Variants in DGKB observed in about 807,000 individuals in gnomAD.
The protein encoded by DGKB is diacylglycerol kinase beta, also known as 90 kDa diacylglycerol kinase.
DGKB carries 67 observed loss-of-function variants against 114.3 expected under a neutral mutation model. The ratio of observed to expected loss-of-function variants is 0.59; its 90% CI spans 0.48 to 0.72. The LOEUF (loss-of-function observed/expected upper bound fraction) is 0.72. Among genes scored for constraint, DGKB ranks in the 30% least tolerant of loss-of-function variants. DGKB has a pLI of 0.00. For synonymous variants in DGKB, 398 were observed against 323.1 expected, an observed-to-expected ratio of 1.23 and a Z score of -2.49; for missense variants, 907 against 975.2, an observed-to-expected ratio of 0.93 and a Z score of 0.93.
chr7:14,441,900 A>G (rs1439332332), intron 21 of DGKB, among the ~76,000 whole-genome samples: 1 of 151,994 alleles, frequency 6.6e-6, no homozygotes. Context: ...TGTATATTTG[A>G]GATATCATAC....
intron 21 of DGKB, among the ~76,000 whole-genome samples, chr7:14,352,881 C>G (rs558723481): frequency 6.6e-6 from 1 of 152,082 alleles, no homozygotes; most frequent in Non-Finnish European, 1.5e-5. Context: ...TGAGATCGTG[C>G]CATTGCACTT....
chr7:14,153,390 T>G (rs1782513110), intron 25 of DGKB, among the ~76,000 whole-genome samples: 1 of 152,130 alleles, frequency 6.6e-6, no homozygotes, highest in African/African-American at 2.4e-5. Context: ...CTATTGAAAT[T>G]ATTTTAAAAA....
chr7:14,718,587 AACAG>A lies in DGKB; in HGVS notation c.417_420del (p.Cys140ThrfsTer34). On this transcript the variant is annotated frameshift_variant, in exon 6 of 26. Transcript: ENST00000402815. LOFTEE classifies it high-confidence loss of function. Reference sequence around the variant, plus strand: ...CTTCCTCTTTCAAGCAGAGACAGGTAACAGACAATGTCCTTCAGATGGATTACTT... The same window carrying A: ...CTTCCTCTTTCAAGCAGAGACAGGTAACAATGTCCTTCAGATGGATTACTT... The A allele has an allele frequency of 6.2e-7, 1 of 1,613,302 alleles. No individual in the cohort carries two copies. Among genetic ancestry groups the A allele is most frequent in the Non-Finnish European group, 8.5e-7 (1 of 1,179,548 alleles).
intron 2 of DGKB, among the ~76,000 whole-genome samples, chr7:14,782,086 G>A (rs1027091471): frequency 2.0e-5 from 3 of 150,250 alleles, no homozygotes; most frequent in African/African-American, 7.4e-5. Flanking sequence ...GTGCAGTGGT[G>A]AGATCTCGGC....
chr7:14,526,643 A>C (rs1790691445), intron 20 of DGKB, among the ~76,000 whole-genome samples: 1 of 152,182 alleles, frequency 6.6e-6, no homozygotes, highest in South Asian at 2.1e-4. Context: ...AGAGAGTGCC[A>C]TAGTGAACTG....
chr7:14,744,740 T>A (rs775629108), intron 4 of DGKB, among the ~76,000 whole-genome samples: 1 of 152,224 alleles, frequency 6.6e-6, no homozygotes, highest in Non-Finnish European at 1.5e-5. Context: ...CTATCATGAA[T>A]TGTTTTTAAC....
rs1397309435 is a variant in DGKB, at chr7:14,426,728, G to A, written c.1835+51433C>T. Among the ~76,000 whole-genome samples, 2 of 152,064 alleles carry A rather than the reference G, an allele frequency of 1.3e-5. 1 individual carries two copies. The highest frequency in any genetic ancestry group is 3.9e-4 in the East Asian group (2 of 5,166). ...TCAATTTAAAATTTGTTGAATTTGT[G>A]TACTTAGTTCCACTGACTCTGTATT... On this transcript the variant is annotated intron_variant, in intron 21 of 25. Transcript: ENST00000402815.
Position 14,150,379 on chromosome 7 carries a change from A to T in DGKB, c.2305-1141T>A, listed in dbSNP as rs573444940. On this transcript the variant is annotated intron_variant, in intron 25 of 25. Coordinates refer to ENST00000402815, the MANE Select transcript of DGKB (RefSeq NM_001350709.2). ...AATGAATATCCTTCACTTGTCATTCACTAATAGCAATGAAACAAAAAAATG... is the reference window on the plus strand; with the variant it reads ...AATGAATATCCTTCACTTGTCATTCTCTAATAGCAATGAAACAAAAAAATG... Among the ~76,000 whole-genome samples the T allele has an allele frequency of 5.9e-5, 9 of 152,238 alleles. No individual in the cohort carries two copies. In the South Asian group the frequency reaches 1.7e-3, roughly 28 times the overall value.
intron 23 of DGKB, among the ~76,000 whole-genome samples, chr7:14,289,759 A>C (rs79871300): frequency 1.2e-4 from 18 of 151,698 alleles, no homozygotes; most frequent in Admixed American, 3.9e-4. Flanking sequence ...AAAAAAAAAA[A>C]AAAACACAAA....
chr7:14,404,610 G>A (rs1823643304), intron 21 of DGKB, among the ~76,000 whole-genome samples: 1 of 151,918 alleles, frequency 6.6e-6, no homozygotes, highest in East Asian at 1.9e-4. Flanking sequence ...AAATAGAGCT[G>A]CAGCCTCGTT....
At chr7:14,375,687 C>T (rs367932357) in intron 21 of DGKB, among the ~76,000 whole-genome samples, 1 of 152,194 alleles carries the variant, frequency 6.6e-6, no homozygotes, top group South Asian at 2.1e-4. Context: ...TAAATAGATG[C>T]CTCACGCTGG....
intron 21 of DGKB, among the ~76,000 whole-genome samples, chr7:14,469,093 A>G (rs993132018): frequency 2.0e-5 from 3 of 152,234 alleles, no homozygotes; most frequent in Admixed American, 2.0e-4. Flanking sequence ...TTAGAGCTCA[A>G]TGGTCACCTT....
Position 14,771,421 on chromosome 7 carries a change from G to C in DGKB, c.71-13690C>G, listed in dbSNP as rs190384167. Among the ~76,000 whole-genome samples the C allele has an allele frequency of 2.5e-3, 376 of 152,092 alleles. 1 individual carries two copies. The highest frequency in any genetic ancestry group is 8.7e-3 in the African/African-American group (361 of 41,518). ...AGCAGCCTGACCCTCACTTTAGTCT[G>C]GGAACAATATTACCCAATGCTGGTG... On this transcript the variant is annotated intron_variant, in intron 2 of 25. Transcript: ENST00000402815.
intron 20 of DGKB, among the ~76,000 whole-genome samples, chr7:14,529,042 G>C (rs183537853): frequency 3.2e-4 from 48 of 152,034 alleles, no homozygotes; most frequent in African/African-American, 1.1e-3. Flanking sequence ...AGTTGGAGTC[G>C]TTTACAAACC....
intron 20 of DGKB, among the ~76,000 whole-genome samples, chr7:14,503,704 G>T (rs536985173): frequency 3.2e-4 from 48 of 152,232 alleles, no homozygotes; most frequent in African/African-American, 1.0e-3. Context: ...AATTGTTTCT[G>T]GTGCAGATGG....
At chr7:14,361,156 T>G (rs1010496942) in intron 21 of DGKB, among the ~76,000 whole-genome samples, 2 of 152,054 alleles carry the variant, frequency 1.3e-5, no homozygotes, top group Non-Finnish European at 2.9e-5. Context: ...TCTTCACACA[T>G]CAGCAGTCTT....
intron 1 of DGKB, among the ~76,000 whole-genome samples, chr7:14,922,962 G>C (rs1158905474): frequency 6.6e-6 from 1 of 152,130 alleles, no homozygotes; most frequent in African/African-American, 2.4e-5. Context: ...TATTCCTTCA[G>C]TCTAACTGAA....
intron 1 of DGKB, among the ~76,000 whole-genome samples, chr7:14,953,443 A>G (rs543410274): frequency 5.6e-4 from 86 of 152,246 alleles, no homozygotes; most frequent in Middle Eastern, 6.8e-3. Context: ...ATAAGCACAT[A>G]AAACAATGCT....
At chr7:14,817,681 T>G (rs1844352087) in intron 2 of DGKB, among the ~76,000 whole-genome samples, 1 of 152,202 alleles carries the variant, frequency 6.6e-6, no homozygotes. Flanking sequence ...TTTTTCCTTC[T>G]TGCCAGGGAA....
Sources: gnomAD v4.1 joint callset for allele counts (sites outside exome capture counted in the v4.1 genomes callset) on GRCh38, gnomAD v4.1.1 for gene constraint, MANE v1.5 for transcripts, NCBI Gene and HGNC (gene_info 2026-07-23, HGNC 2026-07-21) for gene names.